The following RSRC1 variants were observed in gnomAD, a reference collection of about 807,000 sequenced individuals.
The protein encoded by RSRC1 is arginine and serine rich coiled-coil 1, also known as serine/Arginine-related protein 53.
A neutral mutation model predicts 49.1 loss-of-function variants in RSRC1; 39 were observed. That is an observed-to-expected ratio of 0.79 (90% CI 0.61 to 1.04). The LOEUF (loss-of-function observed/expected upper bound fraction) is 1.04. Ranked by LOEUF, RSRC1 falls within the 50% of genes least tolerant of loss-of-function variation. The probability of loss-of-function intolerance (pLI) is 0.00; values close to 1 mark genes in which losing one functional copy is unlikely to be tolerated. For missense variants in RSRC1, 388 were observed against 402.4 expected (o/e 0.96, Z 0.31); for synonymous variants, 143 against 130.8 (o/e 1.09, Z -0.63).
chr3:158,353,656 T>A (rs1480326863), intron 5 of RSRC1, among the ~76,000 whole-genome samples: 1 of 152,248 alleles, frequency 6.6e-6, no homozygotes, highest in Admixed American at 6.5e-5. Context: ...TAAACTTTTC[T>A]GAGCACAACA....
At chr3:158,157,271 T>G (rs1717933625) in intron 3 of RSRC1, among the ~76,000 whole-genome samples, 1 of 152,226 alleles carries the variant, frequency 6.6e-6, no homozygotes, top group Non-Finnish European at 1.5e-5. Flanking sequence ...AGAGAATGTT[T>G]AACATGTATT....
chr3:158,257,215 T>A (rs1038166765), intron 4 of RSRC1, among the ~76,000 whole-genome samples: 2 of 152,186 alleles, frequency 1.3e-5, no homozygotes, highest in Non-Finnish European at 2.9e-5. Context: ...CATTTAGTAC[T>A]ATAAATTTCC....
At chr3:158,421,918 G>A (rs1239897527) in intron 6 of RSRC1, among the ~76,000 whole-genome samples, 2 of 151,726 alleles carry the variant, frequency 1.3e-5, no homozygotes, top group African/African-American at 4.8e-5. Flanking sequence ...CTTTTGCTGT[G>A]TGGTTCAGAC....
chr3:158,511,178 C>T (rs1005535325), intron 7 of RSRC1, among the ~76,000 whole-genome samples: 3 of 151,880 alleles, frequency 2.0e-5, no homozygotes, highest in Non-Finnish European at 4.4e-5. Context: ...CATATGTATA[C>T]ATGTGCCATG....
At chr3:158,530,872 T>C (rs1384098215) in intron 7 of RSRC1, among the ~76,000 whole-genome samples, 2 of 135,374 alleles carry the variant, frequency 1.5e-5, no homozygotes, top group East Asian at 4.3e-4. Context: ...TGTGCACATG[T>C]ACCCTAAAAC....
At chr3:158,425,367 A>G (rs1560037139) in intron 6 of RSRC1, among the ~76,000 whole-genome samples, 1 of 152,072 alleles carries the variant, frequency 6.6e-6, no homozygotes. Flanking sequence ...CAGGTTGTTC[A>G]GTTTCCATGT....
At chr3:158,355,760 T>A (rs1045056623) in intron 6 of RSRC1, among the ~76,000 whole-genome samples, 1 of 151,536 alleles carries the variant, frequency 6.6e-6, no homozygotes, top group African/African-American at 2.4e-5. Context: ...ACAATAAGTT[T>A]TAATGAGTAG....
At chr3:158,164,592 G>A (rs1453706138) in intron 3 of RSRC1, among the ~76,000 whole-genome samples, 1 of 151,638 alleles carries the variant, frequency 6.6e-6, no homozygotes, top group Non-Finnish European at 1.5e-5. Context: ...TTATATTTCT[G>A]TTTTTAAAAA....
chr3:158,284,804 G>T (rs1359629930), intron 4 of RSRC1, among the ~76,000 whole-genome samples: 1 of 151,054 alleles, frequency 6.6e-6, no homozygotes, highest in Non-Finnish European at 1.5e-5. Flanking sequence ...CCCTTTGTCA[G>T]ATGAGTAGGT....
At chr3:158,200,079 C>G (rs916064008) in intron 3 of RSRC1, among the ~76,000 whole-genome samples, 4 of 151,914 alleles carry the variant, frequency 2.6e-5, no homozygotes, top group Admixed American at 6.6e-5. Context: ...GTTCTGTCAC[C>G]CAGGCTGGAG....
chr3:158,326,936 G>C (rs1419851881), intron 5 of RSRC1, among the ~76,000 whole-genome samples: 6 of 152,074 alleles, frequency 3.9e-5, no homozygotes, highest in Non-Finnish European at 8.8e-5. Context: ...AGGGATTCAA[G>C]TTCTTACTGG....
chr3:158,421,139 TTAG>T (rs1735025414), intron 6 of RSRC1, among the ~76,000 whole-genome samples: 1 of 151,882 alleles, frequency 6.6e-6, no homozygotes, highest in East Asian at 1.9e-4. Flanking sequence ...CTGAGACAAG[TTAG>T]TCATATTAGA....
intron 6 of RSRC1, among the ~76,000 whole-genome samples, chr3:158,428,259 A>T (rs1036931506): frequency 2.0e-5 from 3 of 151,862 alleles, no homozygotes; most frequent in African/African-American, 7.2e-5. Context: ...CACCACCATT[A>T]TACAGATTTT....
chr3:158,170,597 A>G (rs1718824736), intron 3 of RSRC1, among the ~76,000 whole-genome samples: 1 of 152,088 alleles, frequency 6.6e-6, no homozygotes, highest in Non-Finnish European at 1.5e-5. Flanking sequence ...AGTGTCTCAT[A>G]TGCACTGAGT....
At chr3:158,219,202 G>A (rs1722106873) in intron 4 of RSRC1, among the ~76,000 whole-genome samples, 1 of 151,450 alleles carries the variant, frequency 6.6e-6, no homozygotes, top group South Asian at 2.1e-4. Context: ...CTCTTTTTTG[G>A]GGAGTAATTA....
At chr3:158,257,011 CA>C (rs1724602763) in intron 4 of RSRC1, among the ~76,000 whole-genome samples, 1 of 152,042 alleles carries the variant, frequency 6.6e-6, no homozygotes, top group Admixed American at 6.5e-5. Flanking sequence ...TTGATCTTCT[CA>C]AAAAACCAGC....
At chr3:158,195,642 A>T (rs1255900268) in intron 3 of RSRC1, among the ~76,000 whole-genome samples, 1 of 152,284 alleles carries the variant, frequency 6.6e-6, no homozygotes, top group South Asian at 2.1e-4. Context: ...TCTAAGATTT[A>T]AGTCTATAAT....
chr3:158,324,205 G>C (rs1728934430), intron 5 of RSRC1, among the ~76,000 whole-genome samples: 1 of 150,286 alleles, frequency 6.7e-6, no homozygotes, highest in South Asian at 2.1e-4. Flanking sequence ...TGCTCTTTTA[G>C]ATATCAACAT....
intron 6 of RSRC1, among the ~76,000 whole-genome samples, chr3:158,384,276 A>G (rs546023479): frequency 1.3e-5 from 2 of 152,288 alleles, no homozygotes; most frequent in Admixed American, 1.3e-4. Flanking sequence ...AAACAGAAAC[A>G]GTTACCATGG....
Sources: gnomAD v4.1 joint callset for allele counts (sites outside exome capture counted in the v4.1 genomes callset) on GRCh38, gnomAD v4.1.1 for gene constraint, MANE v1.5 for transcripts, NCBI Gene and HGNC (gene_info 2026-07-23, HGNC 2026-07-21) for gene names.